Variants in GAS2L2 observed in about 807,000 individuals in gnomAD.
GAS2L2 encodes growth arrest specific 2 like 2.
Under a neutral mutation model 35.2 loss-of-function variants are expected in GAS2L2, and 21 were observed. That is an observed-to-expected ratio of 0.60 (90% CI 0.42 to 0.86). The LOEUF is 0.86. Among genes scored for constraint, GAS2L2 ranks in the 40% least tolerant of loss-of-function variants. The pLI, the probability that GAS2L2 is intolerant of heterozygous loss-of-function variation, is 0.00. For synonymous variants in GAS2L2, 490 were observed against 473.2 expected (o/e 1.04, Z -0.46); for missense variants, 1,169 against 1,144.4 (o/e 1.02, Z -0.31).
At chr17:35,746,908 G>C in intron 5 of GAS2L2, 108 bp downstream of exon 5, 4 of 1,172,910 alleles carry the variant, frequency 3.4e-6, no homozygotes, top group Non-Finnish European at 4.7e-6. Context: ...TGTGGTCTCG[G>C]GGTAGAGGCA....
rs1555598568 is a variant in GAS2L2 at position 35,744,877 on chromosome 17, G to A, written c.2620C>T (p.Pro874Ser). 6.3e-7 allele frequency: 1 copy of A among 1,596,824 alleles called. No individual in the cohort carries two copies. Among genetic ancestry groups the A allele is most frequent in the Non-Finnish European group, 8.5e-7 (1 of 1,171,294 alleles). ...PHWLNQAPLP[P>S]EEESWV ...CCTCAGACCCAGGACTCCTCCTCAG[G>A]TGGAAGTGGAGCTTGATTAAGCCAG... Residue 874 changes from proline to serine, a missense_variant, in exon 6 of 6, where the codon CCT becomes TCT. Transcript: ENST00000604641.
At chr17:35,748,538 C>T (rs1275681588) in intron 3 of GAS2L2, among the ~76,000 whole-genome samples, 5 of 152,216 alleles carry the variant, frequency 3.3e-5, no homozygotes, top group African/African-American at 4.8e-5. Context: ...GGGTACAGAC[C>T]GTTTCTGGTG....
In GAS2L2 at chr17:35,750,135, G is replaced by A; in HGVS notation, c.569C>T (p.Pro190Leu). 1 of 1,602,682 alleles carries A rather than the reference G, an allele frequency of 6.2e-7. No homozygotes were observed. Among genetic ancestry groups the A allele is most frequent in the Non-Finnish European group, 8.5e-7 (1 of 1,176,730 alleles). ...GCGCCTGGGGGGCGCTGGCGGCGAG[G>A]GGTCGGGCGGGGGCAGGGCCAGCTC... ...RRELALPPPDPSPPAPPRRQP... is the reference protein window; with the variant it reads ...RRELALPPPDLSPPAPPRRQP... The change falls in exon 2 of 6, where the codon CCC becomes CTC. Residue 190 changes from proline to leucine, a missense_variant. Pro to Leu is a moderately conservative substitution (Grantham distance 98). Coordinates refer to ENST00000604641, the MANE Select transcript of GAS2L2 (RefSeq NM_139285.4).
In GAS2L2 at chr17:35,752,571, G is replaced by C. The variant is rs373031135; in HGVS notation, c.280C>G (p.Arg94Gly). 3.7e-6 allele frequency: 6 copies of C among 1,613,796 alleles called. No individual in the cohort carries two copies. The East Asian group carries it at 6.7e-5, about 18-fold the overall frequency. The change falls in exon 1 of 6, where the codon CGG becomes GGG. Residue 94 changes from arginine (R) to glycine (G), a missense_variant. Physicochemically the swap from Arg to Gly is moderately radical, Grantham distance 125. Around this residue, in one of 3 missense-constraint regions of GAS2L2, gnomAD observed 127 missense variants for 146.1 expected, o/e 0.87. Transcript: ENST00000604641. ...GCCCCATTGCAGGAGACCCCGACCCGGGGCATGGGAATCTTCTGGGCTTGG... is the reference window on the plus strand; with the variant it reads ...GCCCCATTGCAGGAGACCCCGACCCCGGGCATGGGAATCTTCTGGGCTTGG... ...PAQAQKIPMPRVGVSCNGAAQ... is the reference protein window; with the variant it reads ...PAQAQKIPMPGVGVSCNGAAQ...
rs145983645 is a variant in GAS2L2 at position 35,747,233 on chromosome 17, G to A, written c.868C>T (p.Pro290Ser). 2.1e-4 allele frequency: 333 copies of A among 1,612,824 alleles called. No individual in the cohort carries two copies. The highest frequency in any genetic ancestry group is 2.7e-4 in the Non-Finnish European group (317 of 1,179,394). Residue 290 changes from proline to serine, a missense_variant, in exon 5 of 6, where the codon CCA becomes TCA. By Grantham distance (74) the Pro-to-Ser change is moderately conservative. This residue lies in a region of GAS2L2 where 1,035 missense variants were observed against 976.5 expected (regional missense o/e 1.06). Transcript: ENST00000604641. ...KPGSFLKPPA[P>S]PVQHEVRVQD... ...ACCCTTACTTCATGCTGCACTGGTG[G>A]GGCCGGGGGCTTCAGGAAGCTGCCT... is the stretch of plus-strand genomic sequence containing the variant.
chr17:35,745,408 C>T lies in GAS2L2; in HGVS notation c.2089G>A (p.Gly697Arg). 5.7e-6 allele frequency: 9 copies of T among 1,574,306 alleles called. No individual in the cohort carries two copies. Among genetic ancestry groups the T allele is most frequent in the Non-Finnish European group, 7.8e-6 (9 of 1,159,642 alleles). ...GTCCTGGGCCCACTCTGTCTGGCTC[C>T]CAACTTCCCTTTGAGGCTTCCCGGT... ...PGPGSLKGKL[G>R]ARQSGPRTKA... Residue 697 changes from glycine (G) to arginine (R), a missense_variant, in exon 6 of 6, where the codon GGA becomes AGA. Around this residue, in one of 3 missense-constraint regions of GAS2L2, gnomAD observed 1,035 missense variants for 976.5 expected, o/e 1.06. Transcript: ENST00000604641.
intron 2 of GAS2L2, among the ~76,000 whole-genome samples, chr17:35,749,575 C>T (rs1477733048): frequency 1.3e-5 from 2 of 152,208 alleles, no homozygotes; most frequent in Non-Finnish European, 2.9e-5. Context: ...GAACTAATTG[C>T]TGTGAAGTGG....
rs2085667613 is a variant in GAS2L2, at chr17:35,746,275, G to A, written c.1222C>T (p.Pro408Ser). 6.2e-6 allele frequency: 9 copies of A among 1,446,922 alleles called. No individual in the cohort carries two copies. Among genetic ancestry groups the A allele is most frequent in the Non-Finnish European group, 8.2e-6 (9 of 1,097,554 alleles). The allele number at this position is 1,446,922 out of a possible 1,614,324, so 89.6% of individuals were successfully genotyped here. The stretch of plus-strand genomic sequence containing the variant: ...ATCCTTCCCCTGGGGAGTTCAGGGG[G>A]GTATCTCTCCTCCCTCTTTCCTGAC... ...TSSGKREERY[P>S]PELPRGRIPT... Residue 408 changes from proline (P) to serine (S), a missense_variant, in exon 6 of 6, where the codon CCC becomes TCC. Physicochemically the swap from Pro to Ser is moderately conservative, Grantham distance 74 (BLOSUM62 -1). Coordinates refer to ENST00000604641, the MANE Select transcript of GAS2L2 (RefSeq NM_139285.4).
chr17:35,750,289 C>T lies in GAS2L2; in HGVS notation c.415G>A (p.Val139Met). 6.2e-7 allele frequency: 1 copy of T among 1,613,882 alleles called. No homozygotes were observed. The highest frequency in any genetic ancestry group is 8.5e-7 in the Non-Finnish European group (1 of 1,179,972). The part of the protein sequence containing the change: ...EVLMFETEDL[V>M]LRKNVKNVVL... Reference sequence around the variant, plus strand: ...ACGTTCTTCACGTTCTTGCGCAGCACCAAGTCCTCCGTCTCGAACATCAGC... The same window carrying T: ...ACGTTCTTCACGTTCTTGCGCAGCATCAAGTCCTCCGTCTCGAACATCAGC... Residue 139 changes from valine (V) to methionine (M), a missense_variant, in exon 2 of 6, where the codon GTG becomes ATG. This residue lies in a region of GAS2L2 where 1,035 missense variants were observed against 976.5 expected (regional missense o/e 1.06). Transcript: ENST00000604641.
intron 4 of GAS2L2, 27 bp from the exon 5 acceptor site, chr17:35,747,295 G>T: frequency 1.3e-6 from 2 of 1,584,162 alleles, no homozygotes; most frequent in Non-Finnish European, 1.7e-6. Flanking sequence ...GGAGAAAGGA[G>T]AGGAGAGAAG....
intron 1 of GAS2L2, 25 bp from the exon 2 acceptor site, chr17:35,750,343 G>A: frequency 1.2e-6 from 2 of 1,613,832 alleles, no homozygotes; most frequent in Non-Finnish European, 1.7e-6. Flanking sequence ...GGGAGAAAAG[G>A]GCAGAGGCAG....
intron 1 of GAS2L2, among the ~76,000 whole-genome samples, chr17:35,752,076 C>T (rs375192966): frequency 1.2e-4 from 18 of 152,124 alleles, no homozygotes; most frequent in Admixed American, 3.9e-4. Flanking sequence ...GGTGATCCAC[C>T]GGCCTCAGCC....
Position 35,747,788 on chromosome 17 carries a change from C to G in GAS2L2, c.832+61G>C, listed in dbSNP as rs2085678019. 3 of 1,406,272 alleles carry G rather than the reference C, an allele frequency of 2.1e-6. No individual in the cohort carries two copies. In the Admixed American group the frequency reaches 5.1e-5, roughly 24 times the overall value. 87.1% of individuals were successfully genotyped at this position (1,406,272 alleles called of 1,614,324 possible). A position where few individuals can be genotyped will look rare whatever the true frequency, so the allele number is the denominator to read the frequency against. ...ACCTCCCACCTCTGCCTCCAGCCTC[C>G]CAACCCAGAGCTAGGCCTCTTCAAC... is the stretch of plus-strand genomic sequence containing the variant. On this transcript the variant is annotated intron_variant, in intron 4 of 5. Coordinates refer to ENST00000604641, the MANE Select transcript of GAS2L2 (RefSeq NM_139285.4).
Position 35,752,713 on chromosome 17 carries a change from A to G in GAS2L2, c.138T>C (p.Tyr46=), listed in dbSNP as rs1598397313. The part of the protein sequence containing the change: ...EDLAEWLRDL[Y]GLDIDAANFL... Reference sequence around the variant, plus strand: ...AGTTGGCTGCGTCGATGTCCAGCCCATAGAGGTCGCGAAGCCACTCAGCCA... The same window carrying G: ...AGTTGGCTGCGTCGATGTCCAGCCCGTAGAGGTCGCGAAGCCACTCAGCCA... The change falls in exon 1 of 6, where the codon TAT becomes TAC. Residue 46 remains tyrosine, a synonymous_variant. Coordinates refer to ENST00000604641, the MANE Select transcript of GAS2L2 (RefSeq NM_139285.4). 1 of 1,613,976 alleles carries G rather than the reference A, an allele frequency of 6.2e-7. No homozygotes were observed. The highest frequency in any genetic ancestry group is 8.5e-7 in the Non-Finnish European group (1 of 1,180,034).
chr17:35,749,056 G>A, intron 3 of GAS2L2, 54 bp downstream of exon 3: 1 of 1,163,204 alleles, frequency 8.6e-7, no homozygotes, highest in South Asian at 1.3e-5. Context: ...ATTGTCCCAA[G>A]CCTGGGCAAG....
At position 35,750,065 on chromosome 17, in the gene GAS2L2, A is replaced by G; in HGVS notation, c.627+12T>C. On this transcript the variant is annotated intron_variant, in intron 2 of 5. Transcript: ENST00000604641. The stretch of plus-strand genomic sequence containing the variant: ...GGAAGGGGGCCCTGAGGGCGTGTGC[A>G]GAGCCCCTCACCATCTGGTCCAGGT... 4 of 1,602,636 alleles carry G rather than the reference A, an allele frequency of 2.5e-6. No homozygotes were observed. In the African/African-American group the frequency reaches 5.4e-5, roughly 22 times the overall value.
In GAS2L2 at chr17:35,745,964, G is replaced by T. The variant is rs782165868; in HGVS notation, c.1533C>A (p.Arg511=). 1 of 1,604,462 alleles carries T rather than the reference G, an allele frequency of 6.2e-7. No individual in the cohort carries two copies. Among genetic ancestry groups the T allele is most frequent in the Non-Finnish European group, 8.5e-7 (1 of 1,173,464 alleles). ...GAAAGCTCCTTCCTGGTGTTGGGGG[G>T]CGAGCAGGGGGCAGCCGGATGGGGA... is the stretch of plus-strand genomic sequence containing the variant. ...TKIPIRLPPA[R]PPTPGRSFPG... is the part of the protein sequence containing the mutation. The change falls in exon 6 of 6, where the codon CGC becomes CGA. Residue 511 remains arginine (R), a synonymous_variant. Coordinates refer to ENST00000604641, the MANE Select transcript of GAS2L2 (RefSeq NM_139285.4).
chr17:35,745,298 A>T lies in GAS2L2; in HGVS notation c.2199T>A (p.Ser733=). 2 of 1,612,088 alleles carry T rather than the reference A, an allele frequency of 1.2e-6. No homozygotes were observed. The highest frequency in any genetic ancestry group is 1.7e-6 in the Non-Finnish European group (2 of 1,178,836). ...AAGGTGTGGGGGCCTCCGGGCTGGC[A>T]GACACAGTAGAAGCCGAGCAGTCCT... ...GGQDCSASTV[S]ASPEAPTPSP... The change falls in exon 6 of 6, where the codon TCT becomes TCA. Residue 733 remains serine (S), a synonymous_variant. Transcript: ENST00000604641.
chr17:35,752,925 G>C lies in GAS2L2; in HGVS notation c.-75C>G. ...CGCCTCTTTCCTCCCGCTGCTGCTG[G>C]GTCTCGGCTGGGTTCTTCCTGATTC... On this transcript the variant is annotated 5_prime_UTR_variant, in exon 1 of 6. Coordinates refer to ENST00000604641, the MANE Select transcript of GAS2L2 (RefSeq NM_139285.4). 2.1e-6 allele frequency: 3 copies of C among 1,461,994 alleles called. No homozygotes were observed. The highest frequency in any genetic ancestry group is 2.7e-6 in the Non-Finnish European group (3 of 1,094,404). 90.6% of individuals were successfully genotyped at this position (1,461,994 alleles called of 1,614,324 possible). A position where few individuals can be genotyped will look rare whatever the true frequency, so the allele number is the denominator to read the frequency against.
Sources: gnomAD v4.1 joint callset for allele counts (sites outside exome capture counted in the v4.1 genomes callset) on GRCh38, gnomAD v4.1.1 for gene constraint, gnomAD v4.1.1 regional missense constraint, MANE v1.5 for transcripts, NCBI Gene and HGNC (gene_info 2026-07-23, HGNC 2026-07-21) for gene names.